The following GATA2 variants were observed in gnomAD, a reference collection of about 807,000 sequenced individuals.
GATA2 encodes the protein endothelial transcription factor GATA-2.
In GATA2, 6 loss-of-function variants were observed where a neutral mutation model predicts 35.7. That is an observed-to-expected ratio of 0.17 (90% confidence interval 0.09 to 0.33). The LOEUF is 0.33. GATA2 is among the 10% of genes least tolerant of loss of function. The probability of loss-of-function intolerance (pLI) is 1.00; values close to 1 mark genes in which losing one functional copy is unlikely to be tolerated. For missense variants in GATA2, 541 were observed against 656.6 expected (o/e 0.82, Z 1.92); for synonymous variants, 313 against 274.9 (o/e 1.14, Z -1.37).
chr3:128,483,263 G>T (rs1381120278), intron 4 of GATA2, among the ~76,000 whole-genome samples: 1 of 152,196 alleles, frequency 6.6e-6, no homozygotes, highest in Non-Finnish European at 1.5e-5. Flanking sequence ...CTGAGCTGAG[G>T]AGACTCTAAA....
intron 4 of GATA2, 104 bp from the exon 5 acceptor site, chr3:128,482,048 G>C (rs1247033420): frequency 1.4e-6 from 2 of 1,433,420 alleles, no homozygotes; most frequent in Non-Finnish European, 1.9e-6. Flanking sequence ...CAGTCAAGGA[G>C]GGCTAAATCT....
intron 1 of GATA2, among the ~76,000 whole-genome samples, chr3:128,487,419 T>G (rs1351371785): frequency 6.6e-5 from 10 of 150,576 alleles, no homozygotes. Flanking sequence ...GACAAACACA[T>G]GAACACAGAC....
At chr3:128,492,443 A>C (rs1342103218) in intron 1 of GATA2, among the ~76,000 whole-genome samples, 2 of 152,176 alleles carry the variant, frequency 1.3e-5, no homozygotes, top group East Asian at 1.9e-4. Flanking sequence ...TGCGGGGCGC[A>C]GCGCGCGGGG....
At position 128,481,926 on chromosome 3, in the gene GATA2, C is replaced by G; in HGVS notation, c.1036G>C (p.Gly346Arg). 6.2e-7 allele frequency: 1 copy of G among 1,613,768 alleles called. No individual in the cohort carries two copies. The highest frequency in any genetic ancestry group is 8.5e-7 in the Non-Finnish European group (1 of 1,180,010). The change falls in exon 5 of 6, where the codon GGC becomes CGC. Residue 346 changes from glycine to arginine, a missense_variant. Coordinates refer to ENST00000341105, the MANE Select transcript of GATA2 (RefSeq NM_032638.5). The part of the protein sequence containing the change: ...KRRLSAARRA[G>R]TCCANCQTTT... ...GTCTGACAATTTGCACAACAGGTGC[C>G]GGCTCTTCTGGCGGCCGACTGGGAG...
chr3:128,481,863 C>A lies in GATA2; in HGVS notation c.1099G>T (p.Asp367Tyr), dbSNP rs1386754402. 2 of 1,614,002 alleles carry A rather than the reference C, an allele frequency of 1.2e-6. No homozygotes were observed. Among genetic ancestry groups the A allele is most frequent in the East Asian group, 2.2e-5 (1 of 44,878 alleles). Reference sequence around the variant, plus strand: ...AGGCCACAGGCGTTGCAGACAGGGTCCCCGTTGGCGTTTCGGCGCCATAAG... The same window carrying A: ...AGGCCACAGGCGTTGCAGACAGGGTACCCGTTGGCGTTTCGGCGCCATAAG... ...TTLWRRNANG[D>Y]PVCNACGLYY... is the part of the protein sequence containing the mutation. The change falls in exon 5 of 6, where the codon GAC becomes TAC. Residue 367 changes from aspartate (D) to tyrosine (Y), a missense_variant. Physicochemically the swap from Asp to Tyr is radical, Grantham distance 160 (BLOSUM62 -3). Around this residue, in one of 5 missense-constraint regions of GATA2, gnomAD observed 23 missense variants for 67.2 expected, o/e 0.34. Coordinates refer to ENST00000341105, the MANE Select transcript of GATA2 (RefSeq NM_032638.5).
intron 2 of GATA2, 55 bp downstream of exon 2, chr3:128,486,748 T>TC (rs1197264552): frequency 6.7e-5 from 100 of 1,500,910 alleles, no homozygotes; most frequent in Non-Finnish European, 8.3e-5. Flanking sequence ...CCTCCTCCCC[T>TC]CCCTCGCCTG....
intron 4 of GATA2, chr3:128,482,182 G>C (rs1576745561): frequency 1.7e-6 from 1 of 574,332 alleles, no homozygotes; most frequent in Non-Finnish European, 3.1e-6. Flanking sequence ...CAACGGGATT[G>C]CAAGAGCTAC....
rs188463375 is a variant in GATA2, at chr3:128,491,673, A to G, written c.-46+1226T>C. Reference sequence around the variant, plus strand: ...GCATCAGTGCAGGCTCTCCCACCTCATTACTGTTCTGTGTCTTTGGGAATC... The same window carrying G: ...GCATCAGTGCAGGCTCTCCCACCTCGTTACTGTTCTGTGTCTTTGGGAATC... On this transcript the variant is annotated intron_variant, in intron 1 of 5. Transcript: ENST00000341105. Among the ~76,000 whole-genome samples the G allele has an allele frequency of 6.6e-4, 100 of 151,998 alleles. 1 individual carries two copies. The East Asian group carries it at 0.015, about 23-fold the overall frequency.
chr3:128,483,567 G>A (rs960421091), intron 4 of GATA2, among the ~76,000 whole-genome samples: 1 of 152,210 alleles, frequency 6.6e-6, no homozygotes, highest in Non-Finnish European at 1.5e-5. Flanking sequence ...AAAGAGCTAA[G>A]CAGAGGCCAG....
chr3:128,490,062 G>C (rs2068753113), intron 1 of GATA2: 1 of 152,372 alleles, frequency 6.6e-6, no homozygotes, highest in East Asian at 1.9e-4. Context: ...CGTCCCTCGG[G>C]AAAGCAGGTA....
chr3:128,485,427 A>T (rs1429240485), intron 3 of GATA2, among the ~76,000 whole-genome samples: 1 of 152,106 alleles, frequency 6.6e-6, no homozygotes, highest in Non-Finnish European at 1.5e-5. Flanking sequence ...TTTTCACTTA[A>T]GATTCAGGGA....
Position 128,486,264 on chromosome 3 carries a change from G to T in GATA2, c.334C>A (p.His112Asn). The change falls in exon 3 of 6, where the codon CAC becomes AAC. Residue 112 changes from histidine to asparagine, a missense_variant. Transcript: ENST00000341105. Reference sequence around the variant, plus strand: ...GGGCTCACGGTCCAGGGGTTGTGGTGGTGGGCCGCAGCGGCAGAGAGGGCT... The same window carrying T: ...GGGCTCACGGTCCAGGGGTTGTGGTTGTGGGCCGCAGCGGCAGAGAGGGCT... ...KAALSAAAAH[H>N]HNPWTVSPFS... The T allele has an allele frequency of 6.4e-7, 1 of 1,571,272 alleles. No individual in the cohort carries two copies. Among genetic ancestry groups the T allele is most frequent in the African/African-American group, 1.3e-5 (1 of 74,702 alleles).
At chr3:128,491,905 CA>C (rs1298658698) in intron 1 of GATA2, 2 of 152,292 alleles carry the variant, frequency 1.3e-5, no homozygotes, top group Non-Finnish European at 2.9e-5. Flanking sequence ...GGCGGCCTGA[CA>C]ACTGGTAAAT....
chr3:128,486,697 G>T, intron 2 of GATA2, 106 bp downstream of exon 2: 2 of 1,170,900 alleles, frequency 1.7e-6, no homozygotes, highest in Non-Finnish European at 2.5e-6. Context: ...TCAGCAGCTC[G>T]ATTCCTGCGG....
chr3:128,489,724 G>C (rs1475214527), intron 1 of GATA2: 1 of 152,236 alleles, frequency 6.6e-6, no homozygotes, highest in East Asian at 1.9e-4. Context: ...GTGCGGTCCC[G>C]CCGGGGCCCA....
In GATA2 at chr3:128,485,865, G is replaced by C; in HGVS notation, c.733C>G (p.Pro245Ala). Reference protein sequence around the residue: ...TMGTQPATHHPIPTYPSYVPA... With the variant: ...TMGTQPATHHAIPTYPSYVPA... ...ACATAGGAGGGGTAGGTGGGGATGG[G>C]GTGGTGTGTAGCAGGCTGGGTGCCC... is the stretch of plus-strand genomic sequence containing the variant. The change falls in exon 3 of 6, where the codon CCC becomes GCC. Residue 245 changes from proline to alanine, a missense_variant. This residue lies in a region of GATA2 where 389 missense variants were observed against 396.9 expected (regional missense o/e 0.98). Coordinates refer to ENST00000341105, the MANE Select transcript of GATA2 (RefSeq NM_032638.5). 1 of 1,614,090 alleles carries C rather than the reference G, an allele frequency of 6.2e-7. No individual in the cohort carries two copies. The highest frequency in any genetic ancestry group is 2.2e-5 in the East Asian group (1 of 44,880).
intron 1 of GATA2, among the ~76,000 whole-genome samples, chr3:128,492,689 G>C (rs1432569575): frequency 2.0e-5 from 3 of 152,216 alleles, no homozygotes; most frequent in Non-Finnish European, 4.4e-5. Flanking sequence ...AAGACAAGAG[G>C]CCCGAGGCGG....
At chr3:128,482,542 T>C (rs969219182) in intron 4 of GATA2, among the ~76,000 whole-genome samples, 7 of 152,216 alleles carry the variant, frequency 4.6e-5, no homozygotes, top group Non-Finnish European at 2.9e-5. Context: ...ACGAGCCACA[T>C]TTCAAGTGAT....
chr3:128,486,142 G>A lies in GATA2; in HGVS notation c.456C>T (p.Ser152=). The A allele has an allele frequency of 6.3e-7, 1 of 1,596,448 alleles. No homozygotes were observed. Among genetic ancestry groups the A allele is most frequent in the Admixed American group, 1.8e-5 (1 of 57,010 alleles). ...GGGTGAGGGAGGCCACTGAGCTCCCGCTGCCTCCCCCGCTCCCACCCCCAG... is the reference window on the plus strand; with the variant it reads ...GGGTGAGGGAGGCCACTGAGCTCCCACTGCCTCCCCCGCTCCCACCCCCAG... The part of the protein sequence containing the change: ...PGAGGGSGGG[S]GSSVASLTPT... The change falls in exon 3 of 6, where the codon AGC becomes AGT. Residue 152 remains serine, a synonymous_variant. Coordinates refer to ENST00000341105, the MANE Select transcript of GATA2 (RefSeq NM_032638.5).
Sources: gnomAD v4.1 joint callset for allele counts (sites outside exome capture counted in the v4.1 genomes callset) on GRCh38, gnomAD v4.1.1 for gene constraint, gnomAD v4.1.1 regional missense constraint, MANE v1.5 for transcripts, NCBI Gene and HGNC (gene_info 2026-07-23, HGNC 2026-07-21) for gene names.